The following IGF2BP1 variants were observed in gnomAD, a reference collection of about 807,000 sequenced individuals.
IGF2BP1 encodes insulin-like growth factor 2 mRNA-binding protein 1.
IGF2BP1 carries 11 observed loss-of-function variants against 74.9 expected under a neutral mutation model. The observed-to-expected ratio is 0.15, with a 90% CI of 0.09 to 0.24. IGF2BP1 has a LOEUF of 0.24. Among genes scored for constraint, IGF2BP1 ranks in the 10% least tolerant of loss-of-function variants. The probability of loss-of-function intolerance (pLI) is 1.00; values close to 1 mark genes in which losing one functional copy is unlikely to be tolerated. For synonymous variants in IGF2BP1, 287 were observed against 281.8 expected (o/e 1.02, Z -0.18); for missense variants, 440 against 757.4 (o/e 0.58, Z 4.92).
rs565072214 is a variant in IGF2BP1 at position 49,018,578 on chromosome 17, C to T, written c.237-7040C>T. ...GATGGATTCGAAAGTCTTCATTAAT[C>T]CCTGAAATCTTGAAATGGTGTGCAA... On this transcript the variant is annotated intron_variant, in intron 2 of 14. Coordinates refer to ENST00000290341, the MANE Select transcript of IGF2BP1 (RefSeq NM_006546.4). Among the ~76,000 whole-genome samples the T allele has an allele frequency of 2.4e-3, 359 of 152,050 alleles. 3 individuals carry two copies. The highest frequency in any genetic ancestry group is 2.0e-3 in the Non-Finnish European group (137 of 67,976).
Position 49,009,030 on chromosome 17 carries a change from T to G in IGF2BP1, c.236+9861T>G, listed in dbSNP as rs769136623. On this transcript the variant is annotated intron_variant, in intron 2 of 14. Coordinates refer to ENST00000290341, the MANE Select transcript of IGF2BP1 (RefSeq NM_006546.4). Reference sequence around the variant, plus strand: ...GATGGAAGGAAATACAATTTTTTTTTGTTTCTGTTTTTTTTGAGAGGGAGT... The same window carrying G: ...GATGGAAGGAAATACAATTTTTTTTGGTTTCTGTTTTTTTTGAGAGGGAGT... 5.9e-4 allele frequency among the ~76,000 whole-genome samples: 89 copies of G among 152,096 alleles called. 1 individual carries two copies. The highest frequency in any genetic ancestry group is 1.1e-3 in the Non-Finnish European group (74 of 68,016).
intron 4 of IGF2BP1, among the ~76,000 whole-genome samples, chr17:49,026,727 TCCTGCCTTCCTG>T (rs11271397): frequency 0.16 from 23,167 of 143,038 alleles, 2,032 homozygotes; most frequent in African/African-American, 0.23. Flanking sequence ...CTGCCTGCCT[TCCTGCCTTCCTG>T]CCTGCCTTCC....
chr17:49,024,083 ATTTTTTTTTT>A (rs765273098), intron 2 of IGF2BP1, among the ~76,000 whole-genome samples: 30 of 78,104 alleles, frequency 3.8e-4, no homozygotes, highest in African/African-American at 5.9e-4. Context: ...CACCCTGCTA[ATTTTTTTTTT>A]TTTTTTTTTT....
rs1443337276 is a variant in IGF2BP1 at position 49,043,457 on chromosome 17, C to T, written c.1107C>T (p.Asn369=). 5.0e-6 allele frequency: 8 copies of T among 1,613,974 alleles called. No homozygotes were observed. Among genetic ancestry groups the T allele is most frequent in the Non-Finnish European group, 5.9e-6 (7 of 1,179,984 alleles). The stretch of plus-strand genomic sequence containing the variant: ...AGTCTCACCTGATCCCTGGCCTGAA[C>T]CTGGCTGCTGTAGGTCTTTTCCCAG... ...SLQSHLIPGL[N]LAAVGLFPAS... The change falls in exon 10 of 15, where the codon AAC becomes AAT. Residue 369 remains asparagine (N), a synonymous_variant. Coordinates refer to ENST00000290341, the MANE Select transcript of IGF2BP1 (RefSeq NM_006546.4).
At chr17:49,000,224 AT>A (rs1339899822) in intron 2 of IGF2BP1, among the ~76,000 whole-genome samples, 2 of 151,964 alleles carry the variant, frequency 1.3e-5, no homozygotes, top group Non-Finnish European at 1.5e-5. Context: ...CTCACCCCCC[AT>A]TTCAGCTGAA....
At chr17:49,043,606 A>AGG in intron 10 of IGF2BP1, 56 bp downstream of exon 10, 1 of 1,588,868 alleles carries the variant, frequency 6.3e-7, no homozygotes, top group Non-Finnish European at 8.6e-7. Flanking sequence ...GCCTCCCTTA[A>AGG]GGGGGACTCA....
At chr17:49,019,955 T>TACATATATATATATTTATATAC (rs2041767250) in intron 2 of IGF2BP1, among the ~76,000 whole-genome samples, 1 of 78,466 alleles carries the variant, frequency 1.3e-5, no homozygotes, top group African/African-American at 6.0e-5. Flanking sequence ...TATATTTATA[T>TACATATATATATATTTATATAC]ACACACACAC....
chr17:49,015,528 G>A (rs1382936300), intron 2 of IGF2BP1, among the ~76,000 whole-genome samples: 2 of 152,210 alleles, frequency 1.3e-5, no homozygotes, highest in Non-Finnish European at 2.9e-5. Context: ...TTGCAGGAGG[G>A]AGGCTCAGTT....
chr17:49,040,632 C>T (rs767774245), intron 7 of IGF2BP1, among the ~76,000 whole-genome samples: 4 of 152,220 alleles, frequency 2.6e-5, no homozygotes, highest in African/African-American at 4.8e-5. Context: ...TTCACTTGTG[C>T]GTGTATGCAC....
intron 10 of IGF2BP1, 60 bp downstream of exon 10, chr17:49,043,610 G>T: frequency 6.3e-7 from 1 of 1,581,918 alleles, no homozygotes. Context: ...CCCTTAAGGG[G>T]GACTCAGCAT....
In IGF2BP1 at chr17:48,997,541, G is replaced by C; in HGVS notation, c.-205G>C. 1 of 576,788 alleles carries C rather than the reference G, an allele frequency of 1.7e-6. No individual in the cohort carries two copies. Among genetic ancestry groups the C allele is most frequent in the Non-Finnish European group, 3.1e-6 (1 of 327,196 alleles). The allele number at this position is 576,788 out of a possible 1,614,324, so 35.7% of individuals were successfully genotyped here. ...CTGCGCGCCGCGGGCACTTCTCCTG[G>C]GCTCTCCCCGAACTCTCCCGCGACC... On this transcript the variant is annotated 5_prime_UTR_variant, in exon 1 of 15. Transcript: ENST00000290341. The surrounding 1 kb of genome is among the most constrained non-coding windows in gnomAD (Gnocchi z 4.8).
At chr17:49,006,735 G>A (rs2143939752) in intron 2 of IGF2BP1, among the ~76,000 whole-genome samples, 1 of 152,300 alleles carries the variant, frequency 6.6e-6, no homozygotes, top group East Asian at 1.9e-4. Flanking sequence ...CATGTTGAAG[G>A]GGATCTGTGC....
chr17:49,017,764 A>C (rs2041724486), intron 2 of IGF2BP1: 1 of 152,148 alleles, frequency 6.6e-6, no homozygotes, highest in African/African-American at 2.4e-5. Context: ...GCCTGCCACC[A>C]CACCTGGCTA....
Position 49,055,836 on chromosome 17 carries a change from G to GC in IGF2BP1, c.*6392_*6393insC. 7.9e-6 allele frequency among the ~76,000 whole-genome samples: 1 copy of GC among 125,868 alleles called. No individual in the cohort carries two copies. Among genetic ancestry groups the GC allele is most frequent in the African/African-American group, 3.1e-5 (1 of 32,560 alleles). 82.6% of individuals were successfully genotyped at this position (125,868 alleles called of 152,430 possible). A position where few individuals can be genotyped will look rare whatever the true frequency, so the allele number is the denominator to read the frequency against. On this transcript the variant is annotated 3_prime_UTR_variant, in exon 15 of 15. Transcript: ENST00000290341. ...AGCTGGAGGCCTACTGCTTGGGACAGTTTTTTTTTTTTTTTTTTTTTTAAA... is the reference window on the plus strand; with the variant it reads ...AGCTGGAGGCCTACTGCTTGGGACAGCTTTTTTTTTTTTTTTTTTTTTTAAA...
rs1322508678 is a variant in IGF2BP1 at position 49,049,918 on chromosome 17, T to G, written c.*474T>G. The G allele has an allele frequency of 6.5e-6, 1 of 153,600 alleles. No homozygotes were observed. The highest frequency in any genetic ancestry group is 6.4e-5 in the Admixed American group (1 of 15,520). 9.5% of individuals were successfully genotyped at this position (153,600 alleles called of 1,614,324 possible). On this transcript the variant is annotated 3_prime_UTR_variant, in exon 15 of 15. Coordinates refer to ENST00000290341, the MANE Select transcript of IGF2BP1 (RefSeq NM_006546.4). ...CTCCATTTACGGCCTCTTTCTATAT[T>G]TACACTAATTTTTTTATCTTTATTG... is the stretch of plus-strand genomic sequence containing the variant.
chr17:49,030,100 C>A (rs1350432336), intron 4 of IGF2BP1, among the ~76,000 whole-genome samples: 1 of 150,230 alleles, frequency 6.7e-6, no homozygotes, highest in Non-Finnish European at 1.5e-5. Context: ...TTTTTTCTTT[C>A]TAGACTTCTA....
intron 2 of IGF2BP1, chr17:49,014,942 C>CT: frequency 2.0e-6 from 2 of 985,284 alleles, no homozygotes; most frequent in Non-Finnish European, 2.4e-6. Flanking sequence ...GAGCCCGACT[C>CT]TGTCTGTTTT....
intron 3 of IGF2BP1, 76 bp downstream of exon 3, chr17:49,025,742 C>A: frequency 7.3e-7 from 1 of 1,377,810 alleles, no homozygotes; most frequent in Non-Finnish European, 1.0e-6. Flanking sequence ...GCTGGAGTTG[C>A]CAGAAATGAT....
At chr17:49,009,734 T>A (rs2041593484) in intron 2 of IGF2BP1, among the ~76,000 whole-genome samples, 1 of 149,224 alleles carries the variant, frequency 6.7e-6, no homozygotes, top group Non-Finnish European at 1.5e-5. Flanking sequence ...AATCGTAAAA[T>A]ATGCAAAAAG....
Sources: gnomAD v4.1 joint callset for allele counts (sites outside exome capture counted in the v4.1 genomes callset) on GRCh38, gnomAD v4.1.1 for gene constraint, Gnocchi (gnomAD v3.1) non-coding constraint, MANE v1.5 for transcripts, NCBI Gene and HGNC (gene_info 2026-07-23, HGNC 2026-07-21) for gene names.